PAFAH1B1: variants seen among roughly 807,000 people sequenced by gnomAD.
The protein encoded by PAFAH1B1 is platelet activating factor acetylhydrolase 1b regulatory subunit 1, also known as platelet-activating factor acetylhydrolase IB subunit beta.
Under a neutral mutation model 57.5 loss-of-function variants are expected in PAFAH1B1, and 2 were observed. The ratio of observed to expected loss-of-function variants is 0.03; its 90% confidence interval spans 0.01 to 0.11. The LOEUF (loss-of-function observed/expected upper bound fraction) is 0.11. Among genes scored for constraint, PAFAH1B1 ranks in the 10% least tolerant of loss-of-function variants. The pLI, the probability that PAFAH1B1 is intolerant of heterozygous loss-of-function variation, is 1.00. For missense variants in PAFAH1B1, 257 were observed against 512.0 expected (o/e 0.50, Z 4.81); for synonymous variants, 152 against 169.6 (o/e 0.90, Z 0.81).
At chr17:2,612,387 T>A (rs1030712385) in intron 1 of PAFAH1B1, among the ~76,000 whole-genome samples, 1 of 151,604 alleles carries the variant, frequency 6.6e-6, no homozygotes, top group Non-Finnish European at 1.5e-5. Flanking sequence ...GTATTTTTTT[T>A]AGTAGAGACG....
chr17:2,617,248 T>C (rs2068356199), intron 1 of PAFAH1B1, among the ~76,000 whole-genome samples: 1 of 152,218 alleles, frequency 6.6e-6, no homozygotes, highest in Non-Finnish European at 1.5e-5. Context: ...ATACTGGAGT[T>C]AGTAGATTTG....
chr17:2,680,081 TGTATAGTTTTATC>T, intron 9 of PAFAH1B1, 70 bp from the exon 10 acceptor site: 1 of 1,187,362 alleles, frequency 8.4e-7, no homozygotes, highest in Non-Finnish European at 1.3e-6. Flanking sequence ...GTTTTTGGTA[TGTATAGTTTTATC>T]GTATTATGAA....
At chr17:2,617,878 T>C (rs2068366941) in intron 1 of PAFAH1B1, among the ~76,000 whole-genome samples, 1 of 150,838 alleles carries the variant, frequency 6.6e-6, no homozygotes, top group East Asian at 2.0e-4. Flanking sequence ...GAGTGGAGAT[T>C]GCGCCATTGC....
At position 2,638,300 on chromosome 17, in the gene PAFAH1B1, C is replaced by A; in HGVS notation, c.12C>A (p.Ser4=). 1.2e-6 allele frequency: 2 copies of A among 1,612,598 alleles called. No individual in the cohort carries two copies. The highest frequency in any genetic ancestry group is 2.2e-5 in the South Asian group (2 of 90,998). Reference sequence around the variant, plus strand: ...ACATTACAGCCAAGATGGTGCTGTCCCAGAGACAACGAGATGAACTGTAAG... The same window carrying A: ...ACATTACAGCCAAGATGGTGCTGTCACAGAGACAACGAGATGAACTGTAAG... MVL[S]QRQRDELNRA... The change falls in exon 2 of 11, where the codon TCC becomes TCA. Residue 4 remains serine (S), a synonymous_variant. Coordinates refer to ENST00000397195, the MANE Select transcript of PAFAH1B1 (RefSeq NM_000430.4).
intron 2 of PAFAH1B1, among the ~76,000 whole-genome samples, chr17:2,658,958 GT>G (rs1418488472): frequency 6.6e-6 from 1 of 152,042 alleles, no homozygotes; most frequent in Non-Finnish European, 1.5e-5. Context: ...TAGCATAAAA[GT>G]TTAGGAAGTC....
chr17:2,595,922 G>A (rs972106546), intron 1 of PAFAH1B1, among the ~76,000 whole-genome samples: 1 of 152,168 alleles, frequency 6.6e-6, no homozygotes, highest in African/African-American at 2.4e-5. Flanking sequence ...CCATTGAGCC[G>A]AGAAGACTGG....
chr17:2,608,320 G>A (rs369152852), intron 1 of PAFAH1B1, among the ~76,000 whole-genome samples: 8 of 152,182 alleles, frequency 5.3e-5, no homozygotes, highest in African/African-American at 1.9e-4. Flanking sequence ...TCCTGACCTC[G>A]TGATCCACTG....
chr17:2,631,823 C>G (rs1446653760), intron 1 of PAFAH1B1, among the ~76,000 whole-genome samples: 2 of 152,184 alleles, frequency 1.3e-5, no homozygotes, highest in Non-Finnish European at 2.9e-5. Context: ...GCATGCAGCT[C>G]TGTCCGAAGC....
At chr17:2,632,857 A>G (rs1218018975) in intron 1 of PAFAH1B1, among the ~76,000 whole-genome samples, 1 of 152,196 alleles carries the variant, frequency 6.6e-6, no homozygotes, top group Non-Finnish European at 1.5e-5. Context: ...TGGAGGTCCT[A>G]GAACCATTGC....
At chr17:2,600,752 C>T (rs531114256) in intron 1 of PAFAH1B1, among the ~76,000 whole-genome samples, 15 of 151,976 alleles carry the variant, frequency 9.9e-5, no homozygotes, top group African/African-American at 1.7e-4. Flanking sequence ...CTTTTTGAGA[C>T]GGACTCTCGC....
intron 2 of PAFAH1B1, chr17:2,659,400 G>T: frequency 3.7e-6 from 1 of 267,510 alleles, no homozygotes. Context: ...AGCTGGGCAT[G>T]GTGGCACACG....
intron 1 of PAFAH1B1, among the ~76,000 whole-genome samples, chr17:2,601,249 C>G (rs960714219): frequency 1.3e-5 from 2 of 151,804 alleles, no homozygotes; most frequent in Non-Finnish European, 2.9e-5. Context: ...ATTTTCCTGC[C>G]TCAGCCTTCT....
intron 2 of PAFAH1B1, chr17:2,641,955 T>C (rs1235739943): frequency 1.3e-5 from 2 of 152,244 alleles, no homozygotes; most frequent in Non-Finnish European, 2.9e-5. Flanking sequence ...TGTATAGTTT[T>C]GGTTGTTAGC....
chr17:2,669,730 CT>C, intron 5 of PAFAH1B1, among the ~76,000 whole-genome samples: 1 of 152,188 alleles, frequency 6.6e-6, no homozygotes, highest in East Asian at 1.9e-4. Context: ...CAAATGCCTG[CT>C]ATAGCCCTCT....
intron 2 of PAFAH1B1, among the ~76,000 whole-genome samples, chr17:2,645,898 C>G (rs1465343476): frequency 6.6e-6 from 1 of 151,908 alleles, no homozygotes; most frequent in Non-Finnish European, 1.5e-5. Flanking sequence ...GCCACCACGC[C>G]TGGCCAAATA....
chr17:2,621,607 C>CTTTTTTTT lies in PAFAH1B1; in HGVS notation c.-190-16463_-190-16456dup, dbSNP rs534219431. Among the ~76,000 whole-genome samples the CTTTTTTTT allele has an allele frequency of 3.5e-5, 3 of 84,784 alleles. 1 individual carries two copies. Among genetic ancestry groups the CTTTTTTTT allele is most frequent in the African/African-American group, 6.8e-5 (1 of 14,752 alleles). 55.6% of individuals were successfully genotyped at this position (84,784 alleles called of 152,430 possible). ...TATTCAAGCATGGTAGATAATCTGTCTTTTTTTTTTTTTTTTTTTTTTTTT... is the reference window on the plus strand; with the variant it reads ...TATTCAAGCATGGTAGATAATCTGTCTTTTTTTTTTTTTTTTTTTTTTTTTTTTTTTTT... On this transcript the variant is annotated intron_variant, in intron 1 of 10. Coordinates refer to ENST00000397195, the MANE Select transcript of PAFAH1B1 (RefSeq NM_000430.4).
intron 2 of PAFAH1B1, among the ~76,000 whole-genome samples, chr17:2,665,146 G>T (rs1467278123): frequency 1.3e-5 from 2 of 152,018 alleles, no homozygotes; most frequent in Non-Finnish European, 2.9e-5. Context: ...AAAAAAGAAA[G>T]AAAAACTTAT....
At chr17:2,624,120 G>A (rs955018648) in intron 1 of PAFAH1B1, among the ~76,000 whole-genome samples, 3 of 152,138 alleles carry the variant, frequency 2.0e-5, no homozygotes, top group Admixed American at 2.0e-4. Flanking sequence ...CATAATAAGA[G>A]TCACCTTTGC....
In PAFAH1B1 at chr17:2,680,316, C is replaced by G; in HGVS notation, c.1155C>G (p.Ser385=). Reference sequence around the variant, plus strand: ...ATGCGCATGAACACTTTGTTACCTCCTTGGGTATGTACGCCTCGCGAGGTC... The same window carrying G: ...ATGCGCATGAACACTTTGTTACCTCGTTGGGTATGTACGCCTCGCGAGGTC... ...TLNAHEHFVT[S]LDFHKTAPYV... Residue 385 remains serine, a synonymous_variant, in exon 10 of 11, where the codon TCC becomes TCG. Transcript: ENST00000397195. 2 of 1,613,878 alleles carry G rather than the reference C, an allele frequency of 1.2e-6. No homozygotes were observed. The highest frequency in any genetic ancestry group is 2.2e-5 in the South Asian group (2 of 91,070).
Sources: gnomAD v4.1 joint callset for allele counts (sites outside exome capture counted in the v4.1 genomes callset) on GRCh38, gnomAD v4.1.1 for gene constraint, MANE v1.5 for transcripts, NCBI Gene and HGNC (gene_info 2026-07-23, HGNC 2026-07-21) for gene names.